The following GMCL1 variants were observed in gnomAD, a reference collection of about 807,000 sequenced individuals.
The protein encoded by GMCL1 is germ cell-less 1, spermatogenesis associated.
GMCL1 carries 54 observed loss-of-function variants against 75.5 expected under a neutral mutation model. The ratio of observed to expected loss-of-function variants is 0.71; its 90% confidence interval spans 0.57 to 0.90. The LOEUF is 0.90. GMCL1 is among the 40% of genes least tolerant of loss of function. The probability of loss-of-function intolerance (pLI) is 0.00; values close to 1 mark genes in which losing one functional copy is unlikely to be tolerated. For synonymous variants in GMCL1, 210 were observed against 209.6 expected, an observed-to-expected ratio of 1.00 and a Z score of -0.02; for missense variants, 537 against 622.7, an observed-to-expected ratio of 0.86 and a Z score of 1.47.
chr2:69,877,417 T>C (rs1182858088), intron 13 of GMCL1, among the ~76,000 whole-genome samples: 1 of 152,244 alleles, frequency 6.6e-6, no homozygotes, highest in Non-Finnish European at 1.5e-5. Flanking sequence ...CTAATCTTCC[T>C]CAGAGCCTTT....
chr2:69,837,088 T>C (rs927726727), intron 1 of GMCL1, among the ~76,000 whole-genome samples: 3 of 152,220 alleles, frequency 2.0e-5, no homozygotes, highest in African/African-American at 7.2e-5. Flanking sequence ...GTAAATTATT[T>C]TAAAATTACT....
intron 1 of GMCL1, 60 bp downstream of exon 1, chr2:69,830,212 G>C (rs1161865720): frequency 6.6e-7 from 1 of 1,507,600 alleles, no homozygotes; most frequent in Admixed American, 2.1e-5. Context: ...CTGGGGCCGA[G>C]CCGGCGCCTC....
At chr2:69,850,859 GTATAA>G (rs1675298537) in intron 8 of GMCL1, among the ~76,000 whole-genome samples, 1 of 152,142 alleles carries the variant, frequency 6.6e-6, no homozygotes, top group Admixed American at 6.6e-5. Flanking sequence ...ACACGCCACT[GTATAA>G]TATATCATTT....
chr2:69,875,603 C>G (rs4853109), intron 13 of GMCL1, among the ~76,000 whole-genome samples: 41,891 of 151,900 alleles, frequency 0.28, 6,584 homozygotes, highest in African/African-American at 0.4. Context: ...TCTACATTTA[C>G]GTAGGTCTTC....
chr2:69,844,278 G>A, intron 6 of GMCL1, 82 bp downstream of exon 6: 1 of 750,602 alleles, frequency 1.3e-6, no homozygotes, highest in Non-Finnish European at 2.2e-6. Context: ...CATTTTTGTA[G>A]AACACAAAAA....
At chr2:69,856,921 A>G (rs1361741983) in intron 9 of GMCL1, among the ~76,000 whole-genome samples, 2 of 152,056 alleles carry the variant, frequency 1.3e-5, no homozygotes, top group Admixed American at 6.6e-5. Flanking sequence ...GAACAAATAC[A>G]TTTAATATCC....
intron 10 of GMCL1, among the ~76,000 whole-genome samples, chr2:69,862,720 T>C (rs1675691410): frequency 6.6e-6 from 1 of 151,748 alleles, no homozygotes. Context: ...GATTGCGCCA[T>C]TGCACTCCAG....
chr2:69,846,743 G>A (rs999833390), intron 6 of GMCL1, among the ~76,000 whole-genome samples: 1 of 152,112 alleles, frequency 6.6e-6, no homozygotes, highest in Non-Finnish European at 1.5e-5. Context: ...GTCTTGAATA[G>A]TACTAAAACC....
rs1210277291 is a variant in GMCL1 at position 69,866,948 on chromosome 2, C to CT, written c.1218+1976dup. 2.7e-5 allele frequency among the ~76,000 whole-genome samples: 4 copies of CT among 146,954 alleles called. No homozygotes were observed. In the Admixed American group the frequency reaches 3.0e-4, roughly 11 times the overall value. On this transcript the variant is annotated intron_variant, in intron 11 of 13. Transcript: ENST00000282570. Reference sequence around the variant, plus strand: ...GAGTTCACTGCCTTTCTTTTCTTTTCTTTCTTTTTTTTTTGAGACAGAGTC... The same window carrying CT: ...GAGTTCACTGCCTTTCTTTTCTTTTCTTTTCTTTTTTTTTTGAGACAGAGTC...
At chr2:69,847,431 AT>A in intron 6 of GMCL1, 111 bp from the exon 7 acceptor site, 1 of 753,878 alleles carries the variant, frequency 1.3e-6, no homozygotes, top group South Asian at 1.5e-5. Flanking sequence ...GACTGCTGTC[AT>A]TTTTAATTCC....
In GMCL1 at chr2:69,843,245, G is replaced by A; in HGVS notation, c.676G>A (p.Asp226Asn). The part of the protein sequence containing the change: ...YYTSAGTYGL[D>N]SVKKKCLEWL... ...CACATCAGCAGGGACCTATGGATTA[G>A]ATTCTGTAAAGAAAAAGTGAGTTGC... Residue 226 changes from aspartate to asparagine, a missense_variant, in exon 5 of 14, where the codon GAT (aspartate) becomes AAT (asparagine). This residue lies in a region of GMCL1 where 345 missense variants were observed against 410.5 expected (regional missense o/e 0.84). Transcript: ENST00000282570. 1.9e-6 allele frequency: 3 copies of A among 1,588,196 alleles called. No individual in the cohort carries two copies. The highest frequency in any genetic ancestry group is 2.6e-6 in the Non-Finnish European group (3 of 1,158,680).
chr2:69,857,634 G>T (rs575840108), intron 9 of GMCL1, among the ~76,000 whole-genome samples: 1 of 152,162 alleles, frequency 6.6e-6, no homozygotes, highest in South Asian at 2.1e-4. Context: ...AAGCATTTTT[G>T]AACCAGGCTT....
At chr2:69,861,130 A>T in intron 9 of GMCL1, 148 bp from the exon 10 acceptor site, 1 of 556,236 alleles carries the variant, frequency 1.8e-6, no homozygotes, top group Non-Finnish European at 3.2e-6. Flanking sequence ...GGCATGAGCC[A>T]CCATGCTTGG....
Position 69,871,027 on chromosome 2 carries a change from C to T in GMCL1, c.1365-718C>T, listed in dbSNP as rs553177888. Reference sequence around the variant, plus strand: ...GATCCAGCAGTTTCTCTTCTATAGACCAGAAGAATTGAAAATAGGGACTTA... The same window carrying T: ...GATCCAGCAGTTTCTCTTCTATAGATCAGAAGAATTGAAAATAGGGACTTA... On this transcript the variant is annotated intron_variant, in intron 12 of 13. Coordinates refer to ENST00000282570, the MANE Select transcript of GMCL1 (RefSeq NM_178439.5). 2.0e-5 allele frequency among the ~76,000 whole-genome samples: 3 copies of T among 152,152 alleles called. No individual in the cohort carries two copies. The South Asian group carries it at 6.2e-4, about 32-fold the overall frequency.
chr2:69,877,709 T>C, intron 13 of GMCL1, among the ~76,000 whole-genome samples: 1 of 19,074 alleles, frequency 5.2e-5, no homozygotes, highest in Admixed American at 3.4e-4. Flanking sequence ...TGTGTGTTTG[T>C]GTGTGTGTGT....
chr2:69,836,698 C>A (rs947747595), intron 1 of GMCL1, among the ~76,000 whole-genome samples: 2 of 152,324 alleles, frequency 1.3e-5, no homozygotes, highest in African/African-American at 4.8e-5. Context: ...TATTGATCAG[C>A]CTCTGCCTAA....
chr2:69,847,569 G>C lies in GMCL1; in HGVS notation c.785G>C (p.Gly262Ala). The C allele has an allele frequency of 1.9e-6, 3 of 1,610,160 alleles. No individual in the cohort carries two copies. Among genetic ancestry groups the C allele is most frequent in the Non-Finnish European group, 2.5e-6 (3 of 1,176,828 alleles). The change falls in exon 7 of 14, where the codon GGT becomes GCT. Residue 262 changes from glycine (G) to alanine (A), a missense_variant. By Grantham distance (60) the Gly-to-Ala change is moderately conservative. Coordinates refer to ENST00000282570, the MANE Select transcript of GMCL1 (RefSeq NM_178439.5). ...LSINVMKQLIGSSNLFVMQVE... is the reference protein window; with the variant it reads ...LSINVMKQLIASSNLFVMQVE... ...ATAAATGTCATGAAACAGCTCATTG[G>C]TTCATCTAACTTATTTGTGATGCAA...
chr2:69,841,629 A>G (rs1312417536), intron 4 of GMCL1, among the ~76,000 whole-genome samples: 4 of 152,208 alleles, frequency 2.6e-5, no homozygotes, highest in African/African-American at 9.6e-5. Flanking sequence ...GGGAGGGTTG[A>G]TATACAAACC....
chr2:69,867,103 C>T (rs1675840632), intron 11 of GMCL1, among the ~76,000 whole-genome samples: 1 of 151,804 alleles, frequency 6.6e-6, no homozygotes, highest in South Asian at 2.1e-4. Flanking sequence ...CACCACCACG[C>T]CTGGCTAATT....
Sources: allele counts gnomAD v4.1 joint callset (sites outside exome capture counted in the v4.1 genomes callset), GRCh38; gene constraint gnomAD v4.1.1; regional missense constraint gnomAD v4.1.1; transcripts MANE v1.5; gene names NCBI Gene and HGNC (gene_info 2026-07-23, HGNC 2026-07-21).